The following SLC9A4 variants were observed in gnomAD, a reference collection of about 807,000 sequenced individuals.
The protein encoded by SLC9A4 is solute carrier family 9 member A4.
A neutral mutation model predicts 67.4 loss-of-function variants in SLC9A4; 63 were observed. The observed-to-expected ratio is 0.93, with a 90% confidence interval of 0.76 to 1.15. The LOEUF is 1.15. SLC9A4 is among the 50% of genes most tolerant of loss of function. SLC9A4 has a pLI of 0.00. For missense variants in SLC9A4, 1,089 were observed against 987.7 expected (o/e 1.10, Z -1.38); for synonymous variants, 393 against 367.2 (o/e 1.07, Z -0.80).
intron 8 of SLC9A4, among the ~76,000 whole-genome samples, chr2:102,518,294 G>T (rs1157728998): frequency 6.6e-6 from 1 of 152,094 alleles, no homozygotes; most frequent in Non-Finnish European, 1.5e-5. Context: ...TCCCTATTAG[G>T]TTGTTTCATA....
intron 1 of SLC9A4, 98 bp downstream of exon 1, chr2:102,474,113 G>C (rs1684279270): frequency 7.3e-7 from 1 of 1,367,346 alleles, no homozygotes; most frequent in East Asian, 2.3e-5. Context: ...GATTTTAACT[G>C]TTACTGCTAT....
At chr2:102,511,691 C>T (rs1315969102) in intron 6 of SLC9A4, among the ~76,000 whole-genome samples, 8 of 151,786 alleles carry the variant, frequency 5.3e-5, no homozygotes, top group East Asian at 3.9e-4. Context: ...TCAGATCAAA[C>T]GAGCATATTA....
intron 9 of SLC9A4, among the ~76,000 whole-genome samples, chr2:102,524,712 T>C (rs1379858032): frequency 1.3e-5 from 2 of 152,166 alleles, no homozygotes; most frequent in Non-Finnish European, 2.9e-5. Flanking sequence ...ATCAAAAACA[T>C]GACCTGGAAA....
At position 102,514,262 on chromosome 2, in the gene SLC9A4, T is replaced by C; in HGVS notation, c.1721+11T>C. On this transcript the variant is annotated intron_variant, in intron 8 of 11. Coordinates refer to ENST00000295269, the MANE Select transcript of SLC9A4 (RefSeq NM_001011552.4). ...CTCCATACCCCATCAGTGAGTCATA[T>C]CTGTTCTTTGTTCTAAACTTTCACT... is the stretch of plus-strand genomic sequence containing the variant. 6.3e-7 allele frequency: 1 copy of C among 1,588,764 alleles called. No homozygotes were observed. Among genetic ancestry groups the C allele is most frequent in the East Asian group, 2.2e-5 (1 of 44,594 alleles).
intron 6 of SLC9A4, among the ~76,000 whole-genome samples, chr2:102,510,892 A>C (rs143073305): frequency 2.6e-5 from 4 of 152,232 alleles, no homozygotes; most frequent in African/African-American, 9.6e-5. Context: ...AAGGGATACC[A>C]CTGTGTACAG....
intron 11 of SLC9A4, among the ~76,000 whole-genome samples, chr2:102,528,313 TTTAA>T (rs1447297046): frequency 6.6e-6 from 1 of 152,084 alleles, no homozygotes; most frequent in Non-Finnish European, 1.5e-5. Flanking sequence ...TGGTCGATAG[TTTAA>T]TTTTTTTAAA....
chr2:102,522,290 C>A (rs1015368184), intron 9 of SLC9A4, among the ~76,000 whole-genome samples: 1 of 152,092 alleles, frequency 6.6e-6, no homozygotes, highest in Admixed American at 6.6e-5. Flanking sequence ...AGTTAATACA[C>A]ATCTAGAATG....
rs201016853 is a variant in SLC9A4 at position 102,503,672 on chromosome 2, A to C, written c.945A>C (p.Leu315Phe). The change falls in exon 3 of 12, where the codon TTA (leucine) becomes TTC (phenylalanine). Residue 315 changes from leucine (L) to phenylalanine (F), a missense_variant. By Grantham distance (22) the Leu-to-Phe change is conservative. Transcript: ENST00000295269. ...TCATGTTCAGCTATTTGTCTTACTT[A>C]GCTGCTGAAACCCTCTATCTCTCCG... is the stretch of plus-strand genomic sequence containing the variant. The part of the protein sequence containing the change: ...IVFMFSYLSY[L>F]AAETLYLSGI... 1.9e-6 allele frequency: 3 copies of C among 1,614,070 alleles called. No homozygotes were observed. In the Admixed American group the frequency reaches 5.0e-5, roughly 27 times the overall value.
At chr2:102,482,007 A>C (rs987320089) in intron 2 of SLC9A4, among the ~76,000 whole-genome samples, 1 of 152,202 alleles carries the variant, frequency 6.6e-6, no homozygotes, top group African/African-American at 2.4e-5. Flanking sequence ...CCCATACATG[A>C]AGCCGGACGT....
intron 11 of SLC9A4, among the ~76,000 whole-genome samples, chr2:102,530,395 G>C (rs1219748707): frequency 1.3e-5 from 2 of 152,204 alleles, no homozygotes; most frequent in Non-Finnish European, 2.9e-5. Flanking sequence ...ATGTGGAGGA[G>C]AGTTATGCGA....
At chr2:102,521,929 G>T (rs759891571) in intron 9 of SLC9A4, among the ~76,000 whole-genome samples, 16 of 152,184 alleles carry the variant, frequency 1.1e-4, no homozygotes, top group Non-Finnish European at 1.5e-4. Context: ...CCGAAACTGA[G>T]CTGGCCCTGC....
At chr2:102,512,345 A>G in intron 7 of SLC9A4, 72 bp downstream of exon 7, 1 of 1,540,754 alleles carries the variant, frequency 6.5e-7, no homozygotes, top group Non-Finnish European at 9.0e-7. Flanking sequence ...ATAAAATCAG[A>G]GAGAATTCAG....
Position 102,473,439 on chromosome 2 carries a change from G to T in SLC9A4, c.-321G>T, listed in dbSNP as rs191111640. 1.9e-5 allele frequency: 6 copies of T among 321,704 alleles called. No individual in the cohort carries two copies. Among genetic ancestry groups the T allele is most frequent in the African/African-American group, 4.2e-5 (2 of 47,144 alleles). 19.9% of individuals were successfully genotyped at this position (321,704 alleles called of 1,614,324 possible). On this transcript the variant is annotated 5_prime_UTR_variant, in exon 1 of 12. Transcript: ENST00000295269. ...ATGAGGAAATGCCTTTAAGTGAAGA[G>T]ATTTTTATTTCTTTCATAAATTGCT... is the stretch of plus-strand genomic sequence containing the variant.
At chr2:102,479,758 G>A (rs1253819778) in intron 2 of SLC9A4, among the ~76,000 whole-genome samples, 1 of 152,142 alleles carries the variant, frequency 6.6e-6, no homozygotes, top group Admixed American at 6.5e-5. Context: ...AAAAGATAAG[G>A]GTCAGGGAAG....
Position 102,514,230 on chromosome 2 carries a change from C to T in SLC9A4, c.1700C>T (p.Thr567Ile), listed in dbSNP as rs1349101170. The stretch of plus-strand genomic sequence containing the variant: ...GTGGAGACTGGGATACTGAGCTCTA[C>T]AGCTTTCTCCATACCCCATCAGTGA... ...EMVETGILSS[T>I]AFSIPHQAQR... The change falls in exon 8 of 12, where the codon ACA becomes ATA. Residue 567 changes from threonine to isoleucine, a missense_variant. Coordinates refer to ENST00000295269, the MANE Select transcript of SLC9A4 (RefSeq NM_001011552.4). The T allele has an allele frequency of 3.1e-6, 5 of 1,613,166 alleles. No individual in the cohort carries two copies. The highest frequency in any genetic ancestry group is 4.2e-6 in the Non-Finnish European group (5 of 1,179,362).
chr2:102,484,205 C>T (rs1684536660), intron 2 of SLC9A4, among the ~76,000 whole-genome samples: 1 of 152,210 alleles, frequency 6.6e-6, no homozygotes, highest in Admixed American at 6.5e-5. Flanking sequence ...GGACACACTG[C>T]CTGAACAATG....
In SLC9A4 at chr2:102,478,915, C is replaced by A. The variant is rs375903377; in HGVS notation, c.333C>A (p.Gly111=). The change falls in exon 2 of 12, where the codon GGC becomes GGA. Residue 111 remains glycine, a synonymous_variant. Transcript: ENST00000295269. ...TCATCCTGGTGGGGGCGCTGGTGGGCGGCATCATCTTCGGCACCGACCACA... is the reference window on the plus strand; with the variant it reads ...TCATCCTGGTGGGGGCGCTGGTGGGAGGCATCATCTTCGGCACCGACCACA... ...CLLILVGALV[G]GIIFGTDHKS... 7.4e-6 allele frequency: 12 copies of A among 1,613,900 alleles called. No individual in the cohort carries two copies. The highest frequency in any genetic ancestry group is 6.7e-5 in the Admixed American group (4 of 60,010).
At chr2:102,517,480 T>C (rs982933528) in intron 8 of SLC9A4, among the ~76,000 whole-genome samples, 8 of 152,036 alleles carry the variant, frequency 5.3e-5, no homozygotes, top group African/African-American at 1.7e-4. Context: ...TGAAGAGAGG[T>C]TGATTGATGA....
At chr2:102,516,640 T>A (rs1321165655) in intron 8 of SLC9A4, among the ~76,000 whole-genome samples, 1 of 152,228 alleles carries the variant, frequency 6.6e-6, no homozygotes, top group Non-Finnish European at 1.5e-5. Context: ...TTGCACAGTT[T>A]GGATGATGTT....
Sources: allele counts gnomAD v4.1 joint callset (sites outside exome capture counted in the v4.1 genomes callset), GRCh38; gene constraint gnomAD v4.1.1; transcripts MANE v1.5; gene names NCBI Gene and HGNC (gene_info 2026-07-23, HGNC 2026-07-21).